The following PCNT variants were observed in gnomAD, a reference collection of about 807,000 sequenced individuals.
PCNT encodes the protein pericentrin, also known as kendrin.
In PCNT, 319 loss-of-function variants were observed where a neutral mutation model predicts 380.4. That is an observed-to-expected ratio of 0.84 (90% confidence interval 0.77 to 0.92). The LOEUF (loss-of-function observed/expected upper bound fraction) is 0.92. Ranked by LOEUF, PCNT falls within the 40% of genes least tolerant of loss-of-function variation. PCNT has a pLI of 0.00. For synonymous variants in PCNT, 1,845 were observed against 1,735.2 expected, an observed-to-expected ratio of 1.06 and a Z score of -1.57; for missense variants, 4,400 against 4,255.3, an observed-to-expected ratio of 1.03 and a Z score of -0.95.
chr21:46,421,977 C>T lies in PCNT; in HGVS notation c.7032C>T (p.Gly2344=), dbSNP rs1240636876. ...ACCCTGTGGTGTTTTTAGGTGACGG[C>T]TCGGGTTTTGGAGCAAGACTGAGCC... is the stretch of plus-strand genomic sequence containing the variant. ...GKADRSEKSD[G]SGFGARLSPG... The change falls in exon 32 of 47, where the codon GGC becomes GGT. Residue 2344 remains glycine (G), a synonymous_variant. Transcript: ENST00000359568. 1.2e-6 allele frequency: 2 copies of T among 1,614,066 alleles called. No homozygotes were observed. Among genetic ancestry groups the T allele is most frequent in the Admixed American group, 1.7e-5 (1 of 60,022 alleles).
At chr21:46,334,797 ATTC>A (rs760393829) in intron 3 of PCNT, 29 bp downstream of exon 3, 2 of 1,614,198 alleles carry the variant, frequency 1.2e-6, no homozygotes, top group Non-Finnish European at 1.7e-6. Flanking sequence ...GTTAAGGTGT[ATTC>A]TTTGTCAAAA....
At position 46,353,179 on chromosome 21, in the gene PCNT, A is replaced by G. The variant is rs536730592; in HGVS notation, c.1532A>G (p.Gln511Arg). ...CAGCTGAAGCAGCGAGAAAAAACCC[A>G]GCATGAGTCCGAACTGGAGCAACTG... is the stretch of plus-strand genomic sequence containing the variant. ...LEQLKQREKT[Q>R]HESELEQLRI... is the part of the protein sequence containing the mutation. The change falls in exon 10 of 47, where the codon CAG becomes CGG. Residue 511 changes from glutamine (Q) to arginine (R), a missense_variant. Transcript: ENST00000359568. 6.2e-7 allele frequency: 1 copy of G among 1,614,190 alleles called. No homozygotes were observed. Among genetic ancestry groups the G allele is most frequent in the African/African-American group, 1.3e-5 (1 of 75,072 alleles).
At position 46,385,873 on chromosome 21, in the gene PCNT, G is replaced by A. The variant is rs1569233963; in HGVS notation, c.3354G>A (p.Glu1118=). The part of the protein sequence containing the change: ...QVLSLSHEIE[E]CRSELEVLQQ... ...TATCCTTAAGTCACGAGATAGAAGA[G>A]TGCCGCTCCGAGTTGGAGGTGCTGC... Residue 1118 remains glutamate, a synonymous_variant, in exon 17 of 47, where the codon GAG becomes GAA. Transcript: ENST00000359568. The A allele has an allele frequency of 6.2e-7, 1 of 1,614,222 alleles. No homozygotes were observed. The highest frequency in any genetic ancestry group is 8.5e-7 in the Non-Finnish European group (1 of 1,180,010).
Position 46,422,204 on chromosome 21 carries a change from C to G in PCNT, c.7179+80C>G, listed in dbSNP as rs1487816953. The G allele has an allele frequency of 1.9e-5, 30 of 1,556,974 alleles. No individual in the cohort carries two copies. In the East Asian group the frequency reaches 3.0e-4, roughly 15 times the overall value. On this transcript the variant is annotated intron_variant, in intron 32 of 46. Transcript: ENST00000359568. ...CCCCAAGCCCTGTGTCCTGCCTTGC[C>G]GGGGAGAGCCTTGGAGGGCCAGCTT...
chr21:46,404,275 A>G (rs544641765), intron 27 of PCNT, among the ~76,000 whole-genome samples: 10 of 152,346 alleles, frequency 6.6e-5, no homozygotes, highest in Non-Finnish European at 8.8e-5. Flanking sequence ...TTGATTTTCC[A>G]TTTTTCCAAT....
chr21:46,324,235 G>A lies in PCNT; in HGVS notation c.7G>A (p.Val3Ile), dbSNP rs1175937762. 5 of 1,611,938 alleles carry A rather than the reference G, an allele frequency of 3.1e-6. No homozygotes were observed. The highest frequency in any genetic ancestry group is 4.2e-6 in the Non-Finnish European group (5 of 1,179,010). The change falls in exon 1 of 47, where the codon GTT (valine) becomes ATT (isoleucine). Residue 3 changes from valine to isoleucine, a missense_variant. Coordinates refer to ENST00000359568, the MANE Select transcript of PCNT (RefSeq NM_006031.6). MEVEQEQRRRKVE... is the reference protein window; with the variant it reads MEIEQEQRRRKVE... ...CGCGCGGAGTCTGAGGGAGATGGAA[G>A]TTGAGCAAGAGCAGCGGCGCAGAAA...
Position 46,430,131 on chromosome 21 carries a change from T to C in PCNT, c.7812T>C (p.Thr2604=). The change falls in exon 36 of 47, where the codon ACT becomes ACC. Residue 2604 remains threonine, a synonymous_variant. Coordinates refer to ENST00000359568, the MANE Select transcript of PCNT (RefSeq NM_006031.6). ...AGAAGCTCCTGGCGGCGGAGCAGAC[T>C]GTAGTGCGAGATTTGAAGTCCGACC... ...SVQKLLAAEQ[T]VVRDLKSDLC... The C allele has an allele frequency of 6.2e-7, 1 of 1,614,190 alleles. No individual in the cohort carries two copies. The highest frequency in any genetic ancestry group is 8.5e-7 in the Non-Finnish European group (1 of 1,180,024).
chr21:46,444,608 T>C, intron 45 of PCNT, 86 bp from the exon 46 acceptor site: 1 of 1,485,616 alleles, frequency 6.7e-7, no homozygotes, highest in Non-Finnish European at 9.2e-7. Flanking sequence ...GCCTTTCTTC[T>C]GCACTCAGTC....
At chr21:46,374,515 T>C (rs2085269145) in intron 15 of PCNT, among the ~76,000 whole-genome samples, 3 of 152,104 alleles carry the variant, frequency 2.0e-5, no homozygotes, top group Admixed American at 6.6e-5. Context: ...GCCACTCCTC[T>C]CCTGGTCTCC....
intron 37 of PCNT, 123 bp downstream of exon 37, chr21:46,430,780 T>C (rs2087725152): frequency 6.5e-7 from 1 of 1,533,230 alleles, no homozygotes; most frequent in Non-Finnish European, 8.7e-7. Context: ...GACAGCAGTG[T>C]GACGTAGCAG....
intron 14 of PCNT, among the ~76,000 whole-genome samples, chr21:46,364,321 G>A (rs2084823718): frequency 6.6e-6 from 1 of 151,780 alleles, no homozygotes; most frequent in Non-Finnish European, 1.5e-5. Context: ...GGATGGGCAG[G>A]CTGGCAGCCG....
At position 46,430,025 on chromosome 21, in the gene PCNT, A is replaced by G. The variant is rs775573090; in HGVS notation, c.7706A>G (p.Tyr2569Cys). ...QLRRQVELLA[Y>C]KVEQEKCIAG... ...TCTTTCTCAGTTGAACTGCTGGCTT[A>G]TAAAGTAGAGCAGGAGAAGTGCATT... Residue 2569 changes from tyrosine (Y) to cysteine (C), a missense_variant, in exon 36 of 47, where the codon TAT becomes TGT. Coordinates refer to ENST00000359568, the MANE Select transcript of PCNT (RefSeq NM_006031.6). The G allele has an allele frequency of 6.2e-7, 1 of 1,614,184 alleles. No individual in the cohort carries two copies. Among genetic ancestry groups the G allele is most frequent in the South Asian group, 1.1e-5 (1 of 91,086 alleles).
chr21:46,355,343 T>G, intron 11 of PCNT, 109 bp from the exon 12 acceptor site: 23 of 1,163,378 alleles, frequency 2.0e-5, no homozygotes, highest in Non-Finnish European at 2.8e-5. Flanking sequence ...ATGAACCTAG[T>G]GAGGTTTGAG....
chr21:46,335,326 T>C (rs1360797595), intron 3 of PCNT, among the ~76,000 whole-genome samples: 1 of 152,226 alleles, frequency 6.6e-6, no homozygotes, highest in African/African-American at 2.4e-5. Context: ...CTTTATTTTA[T>C]TGACATGTTT....
At position 46,331,628 on chromosome 21, in the gene PCNT, T is replaced by C. The variant is rs140110607; in HGVS notation, c.268-2769T>C. 1.2e-4 allele frequency among the ~76,000 whole-genome samples: 19 copies of C among 152,128 alleles called. No individual in the cohort carries two copies. In the East Asian group the frequency reaches 3.3e-3, roughly 27 times the overall value. On this transcript the variant is annotated intron_variant, in intron 2 of 46. Coordinates refer to ENST00000359568, the MANE Select transcript of PCNT (RefSeq NM_006031.6). ...GAAAAATATAAAAATTAGCTGGGCA[T>C]GACAGTGCACACGTGTAGTCCCAGT...
At chr21:46,358,157 G>T (rs2084547115) in intron 13 of PCNT, among the ~76,000 whole-genome samples, 1 of 152,154 alleles carries the variant, frequency 6.6e-6, no homozygotes, top group African/African-American at 2.4e-5. Context: ...TGCGGGAGCA[G>T]TGGAGTTCAA....
In PCNT at chr21:46,432,008, A is replaced by C; in HGVS notation, c.8544A>C (p.Glu2848Asp). ...GTGCCACACTGAAGTCGACGGTGGA[A>C]GCCCTGCACACCCAAAAACGAGAGC... is the stretch of plus-strand genomic sequence containing the variant. The part of the protein sequence containing the change: ...EVSATLKSTV[E>D]ALHTQKRELR... Residue 2848 changes from glutamate to aspartate, a missense_variant, in exon 38 of 47, where the codon GAA becomes GAC. Transcript: ENST00000359568. The C allele has an allele frequency of 6.2e-7, 1 of 1,613,884 alleles. No homozygotes were observed. The highest frequency in any genetic ancestry group is 1.1e-5 in the South Asian group (1 of 91,082).
At chr21:46,355,314 G>A (rs2084431621) in intron 11 of PCNT, 138 bp from the exon 12 acceptor site, 1 of 898,876 alleles carries the variant, frequency 1.1e-6, no homozygotes, top group Admixed American at 1.8e-5. Flanking sequence ...GGGTTCACCA[G>A]GGCGCAGCGT....
rs559095013 is a variant in PCNT at position 46,384,169 on chromosome 21, A to G, written c.3313-1663A>G. Among the ~76,000 whole-genome samples the G allele has an allele frequency of 1.1e-4, 12 of 109,992 alleles. 1 individual carries two copies. Among genetic ancestry groups the G allele is most frequent in the South Asian group, 3.7e-4 (1 of 2,728 alleles). The allele number at this position is 109,992 out of a possible 152,430, so 72.2% of individuals were successfully genotyped here. On this transcript the variant is annotated intron_variant, in intron 16 of 46. Coordinates refer to ENST00000359568, the MANE Select transcript of PCNT (RefSeq NM_006031.6). ...ACATTCACAGTGCTGTGCATTCAGC[A>G]GCGGAAGCGCATTCACGGTGTTGTG...
Sources: allele counts gnomAD v4.1 joint callset (sites outside exome capture counted in the v4.1 genomes callset), GRCh38; gene constraint gnomAD v4.1.1; transcripts MANE v1.5; gene names NCBI Gene and HGNC (gene_info 2026-07-23, HGNC 2026-07-21).